MS4A6A: variants seen among roughly 807,000 people sequenced by gnomAD.
MS4A6A encodes the protein membrane spanning 4-domains A6A.
A neutral mutation model predicts 20.6 loss-of-function variants in MS4A6A; 19 were observed. That is an observed-to-expected ratio of 0.92 (90% CI 0.64 to 1.36). The LOEUF is 1.36. Among genes scored for constraint, MS4A6A ranks in the 40% most tolerant of loss-of-function variants. The probability of loss-of-function intolerance (pLI) is 0.00; values close to 1 mark genes in which losing one functional copy is unlikely to be tolerated. For synonymous variants in MS4A6A, 108 were observed against 105.0 expected (o/e 1.03, Z -0.17); for missense variants, 272 against 261.1 (o/e 1.04, Z -0.29).
rs748775275 is a variant in MS4A6A, at chr11:60,178,233, G to T, written c.339+27C>A. 3 of 1,593,380 alleles carry T rather than the reference G, an allele frequency of 1.9e-6. No homozygotes were observed. The South Asian group carries it at 3.3e-5, about 18-fold the overall frequency. The stretch of plus-strand genomic sequence containing the variant: ...TCTAAGTTTTATTTTGATCCATTGG[G>T]TTGTGGGTTATAGCTCTCTTACTCA... On this transcript the variant is annotated intron_variant, in intron 4 of 5. Transcript: ENST00000528851.
rs1856789368 is a variant in MS4A6A, at chr11:60,175,534, C to T, written c.417G>A (p.Gln139=). 1 of 1,613,978 alleles carries T rather than the reference C, an allele frequency of 6.2e-7. No individual in the cohort carries two copies. The highest frequency in any genetic ancestry group is 1.3e-5 in the African/African-American group (1 of 74,908). ...LVGFIILSVK[Q]ATLNPASLQC... ...GCAGTGAGGCAGGATTTAAGGTGGCCTGTTTGACAGACAGGATAATGAAAC... is the reference window on the plus strand; with the variant it reads ...GCAGTGAGGCAGGATTTAAGGTGGCTTGTTTGACAGACAGGATAATGAAAC... Residue 139 remains glutamine, a synonymous_variant, in exon 5 of 6, where the codon CAG becomes CAA. Transcript: ENST00000528851.
At position 60,181,797 on chromosome 11, in the gene MS4A6A, A is replaced by G. The variant is rs76163709; in HGVS notation, c.-14-56T>C. Reference sequence around the variant, plus strand: ...AAAAGTACAGAGCTCCCAGGTTCTGACTCCAAAAACAGTAACTCAGTCTTT... The same window carrying G: ...AAAAGTACAGAGCTCCCAGGTTCTGGCTCCAAAAACAGTAACTCAGTCTTT... On this transcript the variant is annotated intron_variant, in intron 1 of 5. Transcript: ENST00000528851. The G allele has an allele frequency of 2.0e-3, 3,177 of 1,554,450 alleles. 59 individuals carry two copies. The African/African-American group carries it at 0.039, about 19-fold the overall frequency.
At chr11:60,176,127 A>G (rs762789406) in intron 4 of MS4A6A, among the ~76,000 whole-genome samples, 11 of 152,152 alleles carry the variant, frequency 7.2e-5, no homozygotes, top group Non-Finnish European at 1.3e-4. Flanking sequence ...TCGCCTGCCC[A>G]TTGCTTCTCT....
chr11:60,175,466 A>G lies in MS4A6A; in HGVS notation c.485T>C (p.Val162Ala). The G allele has an allele frequency of 1.2e-6, 2 of 1,614,176 alleles. No individual in the cohort carries two copies. The highest frequency in any genetic ancestry group is 1.7e-6 in the Non-Finnish European group (2 of 1,180,010). ...AAGTGAATCATGATAAAAGTAAGAAACATAACTTCTTGTTGGTATATTATT... is the reference window on the plus strand; with the variant it reads ...AAGTGAATCATGATAAAAGTAAGAAGCATAACTTCTTGTTGGTATATTATT... ...DKNNIPTRSY[V>A]SYFYHDSLYT... Residue 162 changes from valine to alanine, a missense_variant, in exon 5 of 6, where the codon GTT becomes GCT. By Grantham distance (64) the Val-to-Ala change is moderately conservative. Transcript: ENST00000528851.
intron 3 of MS4A6A, among the ~76,000 whole-genome samples, chr11:60,179,226 C>T (rs1322050145): frequency 1.3e-5 from 2 of 150,740 alleles, no homozygotes; most frequent in Non-Finnish European, 3.0e-5. Flanking sequence ...TATGAGAAAG[C>T]CCCCATCTTA....
chr11:60,183,756 T>TC (rs1268120195), upstream of MS4A6A: 2 of 152,416 alleles, frequency 1.3e-5, no homozygotes, highest in Non-Finnish European at 2.9e-5. Context: ...CTGCTCTTTT[T>TC]CTCTAACAAC....
chr11:60,178,447 A>T, intron 3 of MS4A6A, 131 bp from the exon 4 acceptor site: 1 of 645,442 alleles, frequency 1.5e-6, no homozygotes. Context: ...GGTAAGTTCC[A>T]TTTAAATACA....
intron 3 of MS4A6A, among the ~76,000 whole-genome samples, chr11:60,178,540 A>C (rs1236534184): frequency 6.6e-6 from 1 of 152,134 alleles, no homozygotes; most frequent in African/African-American, 2.4e-5. Flanking sequence ...ATAAACAAAA[A>C]ATATCCCACT....
Position 60,178,293 on chromosome 11 carries a change from T to C in MS4A6A, c.306A>G (p.Ser102=). The C allele has an allele frequency of 6.2e-7, 1 of 1,613,684 alleles. No homozygotes were observed. ...TGGTTAACCTTTTCTCTGTGGCGAT[T>C]GATAGAGAGCCAGAGATGATAAACT... The part of the protein sequence containing the change: ...PFFFIISGSL[S]IATEKRLTKL... The change falls in exon 4 of 6, where the codon TCA becomes TCG. Residue 102 remains serine (S), a synonymous_variant. Transcript: ENST00000528851.
intron 4 of MS4A6A, among the ~76,000 whole-genome samples, chr11:60,177,694 G>T (rs749244432): frequency 5.9e-5 from 9 of 152,160 alleles, no homozygotes; most frequent in African/African-American, 2.2e-4. Flanking sequence ...GATACAGTCA[G>T]CCAGCACTAC....
chr11:60,175,342 A>T, intron 5 of MS4A6A, 60 bp downstream of exon 5: 1 of 1,377,752 alleles, frequency 7.3e-7, no homozygotes, highest in Non-Finnish European at 1.0e-6. Flanking sequence ...AAGGAATAAC[A>T]AGAAATCAAG....
chr11:60,179,625 A>C, intron 3 of MS4A6A: 1 of 643,638 alleles, frequency 1.6e-6, no homozygotes, highest in South Asian at 1.8e-5. Flanking sequence ...GATGATCTTC[A>C]AAAGAAATGT....
chr11:60,183,294 G>T (rs1466591439), upstream of MS4A6A: 9 of 928,854 alleles, frequency 9.7e-6, no homozygotes, highest in African/African-American at 1.7e-5. Flanking sequence ...GTTTCCTGTT[G>T]TTAGGCAAGT....
rs1856642208 is a variant in MS4A6A at position 60,172,725 on chromosome 11, G to T, written c.*276C>A. On this transcript the variant is annotated 3_prime_UTR_variant, in exon 6 of 6. Transcript: ENST00000528851. Reference sequence around the variant, plus strand: ...TCCTCAGCAAAGGCACAAACTCATAGCATAATGCCAGGCCAGTCATTTAAC... The same window carrying T: ...TCCTCAGCAAAGGCACAAACTCATATCATAATGCCAGGCCAGTCATTTAAC... 1 of 1,236,696 alleles carries T rather than the reference G, an allele frequency of 8.1e-7. No individual in the cohort carries two copies. The highest frequency in any genetic ancestry group is 1.5e-5 in the African/African-American group (1 of 64,882). 76.6% of individuals were successfully genotyped at this position (1,236,696 alleles called of 1,614,324 possible).
At chr11:60,180,009 G>A (rs1230380922) in intron 2 of MS4A6A, 44 bp from the exon 3 acceptor site, 2 of 1,598,044 alleles carry the variant, frequency 1.3e-6, no homozygotes, top group Admixed American at 3.4e-5. Flanking sequence ...ACCAGCATTT[G>A]TAAAGACAGG....
intron 5 of MS4A6A, 104 bp downstream of exon 5, chr11:60,175,298 C>T (rs1339806178): frequency 3.1e-6 from 3 of 973,440 alleles, no homozygotes; most frequent in African/African-American, 3.3e-5. Flanking sequence ...CCCCCAGATG[C>T]CCAAACCAGA....
chr11:60,172,878 T>A lies in MS4A6A; in HGVS notation c.*123A>T. ...CTACTCAATTGCCATCTGCTTTTCTTCTCTGTCTTCCATCACAATGCAAAT... is the reference window on the plus strand; with the variant it reads ...CTACTCAATTGCCATCTGCTTTTCTACTCTGTCTTCCATCACAATGCAAAT... On this transcript the variant is annotated 3_prime_UTR_variant, in exon 6 of 6. Transcript: ENST00000528851. The A allele has an allele frequency of 6.6e-7, 1 of 1,520,084 alleles. No homozygotes were observed. The highest frequency in any genetic ancestry group is 1.4e-5 in the African/African-American group (1 of 72,844). 94.2% of individuals were successfully genotyped at this position (1,520,084 alleles called of 1,614,324 possible).
intron 2 of MS4A6A, chr11:60,180,799 G>C: frequency 3.1e-6 from 1 of 327,862 alleles, no homozygotes; most frequent in East Asian, 8.1e-5. Flanking sequence ...CTCTGTCTTA[G>C]GAGGTAGTTT....
At position 60,172,542 on chromosome 11, in the gene MS4A6A, G is replaced by A. The variant is rs1030507454; in HGVS notation, c.*459C>T. The A allele has an allele frequency of 4.2e-5, 48 of 1,131,876 alleles. No homozygotes were observed. The highest frequency in any genetic ancestry group is 3.8e-4 in the Middle Eastern group (1 of 2,616). 70.1% of individuals were successfully genotyped at this position (1,131,876 alleles called of 1,614,324 possible). On this transcript the variant is annotated 3_prime_UTR_variant, in exon 6 of 6. Coordinates refer to ENST00000528851, the MANE Select transcript of MS4A6A (RefSeq NM_022349.4). Reference sequence around the variant, plus strand: ...TTAATATAGCTTTAAAAAGGCAAACGAATTTTAAGATCACCAGGGGCAAAT... The same window carrying A: ...TTAATATAGCTTTAAAAAGGCAAACAAATTTTAAGATCACCAGGGGCAAAT...
Sources: gnomAD v4.1 joint callset for allele counts (sites outside exome capture counted in the v4.1 genomes callset) on GRCh38, gnomAD v4.1.1 for gene constraint, MANE v1.5 for transcripts, NCBI Gene and HGNC (gene_info 2026-07-23, HGNC 2026-07-21) for gene names.